MRPS21: variants seen among roughly 807,000 people sequenced by gnomAD.
MRPS21 encodes the protein small ribosomal subunit protein bS21m.
MRPS21 carries 8 observed loss-of-function variants against 9.9 expected under a neutral mutation model. The observed-to-expected ratio is 0.81, with a 90% CI of 0.47 to 1.45. The LOEUF (loss-of-function observed/expected upper bound fraction) is 1.45. Ranked by LOEUF, MRPS21 falls within the 40% of genes most tolerant of loss-of-function variation. The probability of loss-of-function intolerance (pLI) is 0.00; values close to 1 mark genes in which losing one functional copy is unlikely to be tolerated. For synonymous variants in MRPS21, 40 were observed against 40.3 expected (o/e 0.99, Z 0.03); for missense variants, 101 against 118.9 (o/e 0.85, Z 0.70).
Position 150,304,671 on chromosome 1 carries a change from C to A in MRPS21, c.84-3377C>A, listed in dbSNP as rs587732664. The A allele has an allele frequency of 3.8e-3, 795 of 207,350 alleles. 3 individuals are homozygous for A. The highest frequency in any genetic ancestry group is 5.8e-3 in the Non-Finnish European group (587 of 100,774). The allele number at this position is 207,350 out of a possible 1,614,324, so 12.8% of individuals were successfully genotyped here. A position where few individuals can be genotyped will look rare whatever the true frequency, so the allele number is the denominator to read the frequency against. ...TCGGGAGCCTGAGGCAAGAGAATCT[C>A]TTGAACCTGGGAGGCGGAGGTTGCA... is the stretch of plus-strand genomic sequence containing the variant. On this transcript the variant is annotated intron_variant, in intron 2 of 2. Coordinates refer to ENST00000614145, the MANE Select transcript of MRPS21 (RefSeq NM_031901.6).
In MRPS21 at chr1:150,294,354, T is replaced by A. The variant is rs1553856170; in HGVS notation, c.-13T>A. ...CTTTAGGCTCTACAGAGTGAAGGTT[T>A]AAATCCAAGGTCATGGCAAAACATC... On this transcript the variant is annotated 5_prime_UTR_variant, in exon 2 of 3. Coordinates refer to ENST00000614145, the MANE Select transcript of MRPS21 (RefSeq NM_031901.6). 2 of 1,610,804 alleles carry A rather than the reference T, an allele frequency of 1.2e-6. No homozygotes were observed. The highest frequency in any genetic ancestry group is 1.7e-6 in the Non-Finnish European group (2 of 1,178,094).
At position 150,302,869 on chromosome 1, in the gene MRPS21, C is replaced by T. The variant is rs141377393; in HGVS notation, c.84-5179C>T. The stretch of plus-strand genomic sequence containing the variant: ...TGTGCCTTTTTTAGTATGACTAGAA[C>T]GTGTCGGGTAAGGGAGGGAATCCTC... On this transcript the variant is annotated intron_variant, in intron 2 of 2. Coordinates refer to ENST00000614145, the MANE Select transcript of MRPS21 (RefSeq NM_031901.6). Among the ~76,000 whole-genome samples, 19 of 152,214 alleles carry T rather than the reference C, an allele frequency of 1.2e-4. No homozygotes were observed. In the East Asian group the frequency reaches 1.9e-3, roughly 15 times the overall value.
At chr1:150,297,455 T>C (rs1402268386) in intron 2 of MRPS21, among the ~76,000 whole-genome samples, 1 of 152,078 alleles carries the variant, frequency 6.6e-6, no homozygotes, top group Non-Finnish European at 1.5e-5. Context: ...GTGGATCACC[T>C]GAGGTCAGGA....
intron 2 of MRPS21, among the ~76,000 whole-genome samples, chr1:150,302,270 C>T (rs1330059968): frequency 2.0e-5 from 3 of 152,164 alleles, no homozygotes; most frequent in Admixed American, 6.6e-5. Flanking sequence ...AAATAGCCTA[C>T]GTGTCTGTCC....
At chr1:150,294,296 T>A (rs1294071725) in intron 1 of MRPS21, 39 bp from the exon 2 acceptor site, 1 of 1,404,902 alleles carries the variant, frequency 7.1e-7, no homozygotes, top group South Asian at 1.2e-5. Flanking sequence ...GTTGCGTTTC[T>A]CTTTCTGCTT....
chr1:150,308,425 G>A lies in MRPS21; in HGVS notation c.*197G>A. On this transcript the variant is annotated 3_prime_UTR_variant, in exon 3 of 3. Transcript: ENST00000614145. ...CTTTTATTAAGTGAAAGAAGAAACT[G>A]AGTCTGAAAGTACTCTAGGAGTAGA... is the stretch of plus-strand genomic sequence containing the variant. 2.0e-6 allele frequency: 1 copy of A among 488,728 alleles called. No homozygotes were observed. The highest frequency in any genetic ancestry group is 3.6e-6 in the Non-Finnish European group (1 of 278,102). 30.3% of individuals were successfully genotyped at this position (488,728 alleles called of 1,614,324 possible).
At chr1:150,302,335 C>T (rs1654168413) in intron 2 of MRPS21, among the ~76,000 whole-genome samples, 1 of 152,058 alleles carries the variant, frequency 6.6e-6, no homozygotes, top group African/African-American at 2.4e-5. Flanking sequence ...ATTGGTGCCC[C>T]GGGATGAGAA....
At chr1:150,307,298 T>A (rs1479364941) in intron 2 of MRPS21, among the ~76,000 whole-genome samples, 1 of 149,988 alleles carries the variant, frequency 6.7e-6, no homozygotes, top group African/African-American at 2.5e-5. Context: ...TCCACCTGCC[T>A]CGGCTTCCCG....
intron 2 of MRPS21, among the ~76,000 whole-genome samples, chr1:150,295,287 C>T (rs1157836643): frequency 6.6e-6 from 1 of 152,166 alleles, no homozygotes; most frequent in Non-Finnish European, 1.5e-5. Flanking sequence ...TAAGCCACAG[C>T]GCCCGGCCCC....
intron 2 of MRPS21, among the ~76,000 whole-genome samples, chr1:150,295,855 A>G (rs1437439932): frequency 2.0e-5 from 3 of 152,292 alleles, no homozygotes; most frequent in Non-Finnish European, 4.4e-5. Flanking sequence ...GGAAAAATAC[A>G]TAAATGGAAA....
intron 2 of MRPS21, among the ~76,000 whole-genome samples, chr1:150,295,008 T>C (rs1240099483): frequency 6.7e-6 from 1 of 150,214 alleles, no homozygotes; most frequent in African/African-American, 2.4e-5. Flanking sequence ...TTTTTTTTTT[T>C]TTTTTGAGGC....
chr1:150,294,996 A>ATT (rs1449221647), intron 2 of MRPS21, among the ~76,000 whole-genome samples: 56 of 136,570 alleles, frequency 4.1e-4, no homozygotes, highest in Middle Eastern at 3.8e-3. Flanking sequence ...TTTAATTTTA[A>ATT]TTTTTTTTTT....
intron 2 of MRPS21, among the ~76,000 whole-genome samples, chr1:150,305,493 A>G (rs587776017): frequency 1.5e-4 from 23 of 152,340 alleles, no homozygotes; most frequent in African/African-American, 5.3e-4. Context: ...TGATATTCCA[A>G]GTAAAGGGAA....
chr1:150,301,905 A>C (rs1553857757), intron 2 of MRPS21, among the ~76,000 whole-genome samples: 1 of 152,154 alleles, frequency 6.6e-6, no homozygotes, highest in East Asian at 1.9e-4. Context: ...GCCTCTTAGA[A>C]TAATTTTCTA....
intron 1 of MRPS21, 144 bp from the exon 2 acceptor site, chr1:150,294,191 T>C (rs1653828701): frequency 1.7e-6 from 1 of 581,864 alleles, no homozygotes. Context: ...TCACGTCTAC[T>C]TTCTAGGATG....
At chr1:150,301,706 A>G (rs2101908015) in intron 2 of MRPS21, among the ~76,000 whole-genome samples, 1 of 151,322 alleles carries the variant, frequency 6.6e-6, no homozygotes, top group South Asian at 2.1e-4. Flanking sequence ...CCCGGGTTCA[A>G]GTGATTCTCC....
chr1:150,304,883 T>G, intron 2 of MRPS21: 1 of 266,708 alleles, frequency 3.7e-6, no homozygotes, highest in Non-Finnish European at 7.5e-6. Flanking sequence ...AAACCTTATG[T>G]CTACTAAAAA....
At chr1:150,303,895 T>G in intron 2 of MRPS21, 1 of 456,070 alleles carries the variant, frequency 2.2e-6, no homozygotes, top group Non-Finnish European at 4.4e-6. Flanking sequence ...GGCATACATT[T>G]CCTAGTTGTT....
At position 150,295,165 on chromosome 1, in the gene MRPS21, T is replaced by C. The variant is rs587723934; in HGVS notation, c.83+716T>C. Among the ~76,000 whole-genome samples the C allele has an allele frequency of 4.4e-3, 671 of 151,880 alleles. 2 individuals are homozygous for C. Among genetic ancestry groups the C allele is most frequent in the Non-Finnish European group, 6.8e-3 (463 of 67,946 alleles). ...CTCCCGCCACCACGCCCGGTTAATT[T>C]TTGTATTTATAGTAGAGATGGGGTT... On this transcript the variant is annotated intron_variant, in intron 2 of 2. Transcript: ENST00000614145.
Sources: gnomAD v4.1 joint callset for allele counts (sites outside exome capture counted in the v4.1 genomes callset) on GRCh38, gnomAD v4.1.1 for gene constraint, MANE v1.5 for transcripts, NCBI Gene and HGNC (gene_info 2026-07-23, HGNC 2026-07-21) for gene names.